The following CYBRD1 variants were observed in gnomAD, a reference collection of about 807,000 sequenced individuals.
CYBRD1 encodes the protein plasma membrane ascorbate-dependent reductase CYBRD1.
CYBRD1 carries 14 observed loss-of-function variants against 21.9 expected under a neutral mutation model. The observed-to-expected ratio is 0.64, with a 90% CI of 0.42 to 1.00. The LOEUF (loss-of-function observed/expected upper bound fraction) is 1.00, where lower values mean the gene tolerates loss of function less well. Among genes scored for constraint, CYBRD1 ranks in the 50% least tolerant of loss-of-function variants. The pLI is 0.00. For synonymous variants in CYBRD1, 146 were observed against 136.5 expected (o/e 1.07, Z -0.48); for missense variants, 328 against 352.5 (o/e 0.93, Z 0.56).
At chr2:171,536,658 C>T (rs1697549980) in intron 1 of CYBRD1, among the ~76,000 whole-genome samples, 1 of 152,184 alleles carries the variant, frequency 6.6e-6, no homozygotes, top group Non-Finnish European at 1.5e-5. Context: ...TAGTCTTGAA[C>T]TCCTGACCTC....
rs532812827 is a variant in CYBRD1, at chr2:171,525,599, T to C, written c.193+2861T>C. On this transcript the variant is annotated intron_variant, in intron 1 of 3. Transcript: ENST00000321348. ...GTGATTGCTGCAAGGAGGAAAATTT[T>C]AGGCTATGAGATTTCAAATCTCTAA... Among the ~76,000 whole-genome samples, 6 of 152,312 alleles carry C rather than the reference T, an allele frequency of 3.9e-5. No homozygotes were observed. In the South Asian group the frequency reaches 1.2e-3, roughly 32 times the overall value.
At position 171,522,756 on chromosome 2, in the gene CYBRD1, G is replaced by T. The variant is rs1406258404; in HGVS notation, c.193+18G>T. 3.1e-6 allele frequency: 5 copies of T among 1,613,084 alleles called. No individual in the cohort carries two copies. Among genetic ancestry groups the T allele is most frequent in the African/African-American group, 1.3e-5 (1 of 74,934 alleles). On this transcript the variant is annotated intron_variant, in intron 1 of 3. Transcript: ENST00000321348. This position sits in a 1 kb window ranked among gnomAD's most constrained non-coding sequence, Gnocchi z 4.3. Reference sequence around the variant, plus strand: ...GGGCATCGGTACTGGCACCTCCTGGGGGGGTGCGGGGAGGAAAGCGGGGAG... The same window carrying T: ...GGGCATCGGTACTGGCACCTCCTGGTGGGGTGCGGGGAGGAAAGCGGGGAG...
chr2:171,539,808 A>C (rs1697601985), intron 1 of CYBRD1: 1 of 151,500 alleles, frequency 6.6e-6, no homozygotes. Flanking sequence ...AGCTCACTGC[A>C]ACCTCTGCCT....
At chr2:171,532,514 T>C (rs1697482407) in intron 1 of CYBRD1, among the ~76,000 whole-genome samples, 1 of 152,186 alleles carries the variant, frequency 6.6e-6, no homozygotes, top group Admixed American at 6.5e-5. Flanking sequence ...TTGTGCATTT[T>C]ATGGGCCTGG....
At chr2:171,537,675 A>C (rs1383980070) in intron 1 of CYBRD1, among the ~76,000 whole-genome samples, 1 of 152,204 alleles carries the variant, frequency 6.6e-6, no homozygotes, top group Non-Finnish European at 1.5e-5. Context: ...TGTTAGAGAA[A>C]ACTGGGTGAA....
At chr2:171,536,344 G>A (rs968596354) in intron 1 of CYBRD1, among the ~76,000 whole-genome samples, 1 of 151,052 alleles carries the variant, frequency 6.6e-6, no homozygotes, top group Non-Finnish European at 1.5e-5. Flanking sequence ...TGGTTCTGTT[G>A]CCCAGGCTGG....
rs1239670572 is a variant in CYBRD1, at chr2:171,557,989, T to G, written c.*3162T>G. 1 of 152,142 alleles carries G rather than the reference T, an allele frequency of 6.6e-6. No individual in the cohort carries two copies. Among genetic ancestry groups the G allele is most frequent in the Admixed American group, 6.6e-5 (1 of 15,260 alleles). 9.4% of individuals were successfully genotyped at this position (152,142 alleles called of 1,614,324 possible). On this transcript the variant is annotated 3_prime_UTR_variant, in exon 4 of 4. Transcript: ENST00000321348. The stretch of plus-strand genomic sequence containing the variant: ...CTACAAGGTACTCGAAAACCTTAAG[T>G]GAAAAAGATTTCTATCTTTTTATCT...
chr2:171,547,111 C>A (rs1055653860), intron 2 of CYBRD1, among the ~76,000 whole-genome samples: 1 of 151,980 alleles, frequency 6.6e-6, no homozygotes, highest in Non-Finnish European at 1.5e-5. Flanking sequence ...AGGTGGGTAG[C>A]CACAAGTTTG....
At chr2:171,543,997 A>T (rs1167933411) in intron 2 of CYBRD1, among the ~76,000 whole-genome samples, 3 of 152,236 alleles carry the variant, frequency 2.0e-5, no homozygotes, top group Non-Finnish European at 2.9e-5. Flanking sequence ...AGATAATGCT[A>T]AATTGTTTTC....
intron 1 of CYBRD1, among the ~76,000 whole-genome samples, chr2:171,536,512 G>A (rs12617339): frequency 0.11 from 16,284 of 152,074 alleles, 1,146 homozygotes; most frequent in Non-Finnish European, 0.14. Flanking sequence ...CACCATGTTG[G>A]CCAGGCTGGT....
At chr2:171,550,198 C>T (rs898531211) in intron 2 of CYBRD1, among the ~76,000 whole-genome samples, 7 of 152,092 alleles carry the variant, frequency 4.6e-5, no homozygotes, top group East Asian at 1.9e-4. Context: ...CTCCGCCATC[C>T]GGGTTCAAGC....
At chr2:171,523,612 G>A (rs1477859360) in intron 1 of CYBRD1, among the ~76,000 whole-genome samples, 1 of 152,174 alleles carries the variant, frequency 6.6e-6, no homozygotes, top group East Asian at 1.9e-4. Context: ...CCCGGCGCAA[G>A]CTGCGTCCGT....
At chr2:171,549,394 C>T (rs1213263463) in intron 2 of CYBRD1, among the ~76,000 whole-genome samples, 2 of 152,222 alleles carry the variant, frequency 1.3e-5, no homozygotes, top group African/African-American at 4.8e-5. Flanking sequence ...AACATGGAAA[C>T]TTTAAAAGTA....
intron 1 of CYBRD1, among the ~76,000 whole-genome samples, chr2:171,536,881 G>A (rs1196810215): frequency 6.6e-6 from 1 of 151,510 alleles, no homozygotes; most frequent in Non-Finnish European, 1.5e-5. Flanking sequence ...TTTTTTTTCT[G>A]TATGTAGATG....
chr2:171,541,707 G>C lies in CYBRD1; in HGVS notation c.316G>C (p.Glu106Gln), dbSNP rs770544084. ...AATTATCTCTGTGGTGGCCGTGTTT[G>C]AGAACCACAATGTTAACAATATAGC... is the stretch of plus-strand genomic sequence containing the variant. Reference protein sequence around the residue: ...LAIISVVAVFENHNVNNIANM... With the variant: ...LAIISVVAVFQNHNVNNIANM... Residue 106 changes from glutamate to glutamine, a missense_variant, in exon 2 of 4, where the codon GAG (glutamate) becomes CAG (glutamine). Physicochemically the swap from Glu to Gln is conservative, Grantham distance 29. Transcript: ENST00000321348. The C allele has an allele frequency of 6.2e-7, 1 of 1,613,182 alleles. No homozygotes were observed. Among genetic ancestry groups the C allele is most frequent in the South Asian group, 1.1e-5 (1 of 91,002 alleles).
chr2:171,529,531 C>CAAAAAAA (rs57600338), intron 1 of CYBRD1, among the ~76,000 whole-genome samples: 2 of 69,300 alleles, frequency 2.9e-5, no homozygotes, highest in African/African-American at 6.2e-5. Context: ...AACTCTGTCT[C>CAAAAAAA]AAAAAAAAAA....
chr2:171,541,825 A>G (rs1697637966), intron 2 of CYBRD1, 32 bp downstream of exon 2: 1 of 1,498,504 alleles, frequency 6.7e-7, no homozygotes, highest in Non-Finnish European at 9.3e-7. Flanking sequence ...CAAGCAAGTT[A>G]TAAAAACAAT....
chr2:171,524,200 G>A (rs990726059), intron 1 of CYBRD1, among the ~76,000 whole-genome samples: 2 of 60,432 alleles, frequency 3.3e-5, no homozygotes, highest in Non-Finnish European at 7.4e-5. Flanking sequence ...ATCAGGGTGT[G>A]AGATCGGCAT....
intron 1 of CYBRD1, among the ~76,000 whole-genome samples, chr2:171,528,830 A>C (rs1041582596): frequency 6.6e-6 from 1 of 152,182 alleles, no homozygotes; most frequent in Non-Finnish European, 1.5e-5. Flanking sequence ...GTAAATGGCA[A>C]CTTTATCCTT....
Sources: allele counts gnomAD v4.1 joint callset (sites outside exome capture counted in the v4.1 genomes callset), GRCh38; gene constraint gnomAD v4.1.1; non-coding constraint Gnocchi (gnomAD v3.1); transcripts MANE v1.5; gene names NCBI Gene and HGNC (gene_info 2026-07-23, HGNC 2026-07-21).